Variants in ATRNL1 observed in about 807,000 individuals in gnomAD.
ATRNL1 encodes attractin-like protein 1.
Under a neutral mutation model 182.7 loss-of-function variants are expected in ATRNL1, and 95 were observed. That is an observed-to-expected ratio of 0.52 (90% CI 0.44 to 0.62). The LOEUF (loss-of-function observed/expected upper bound fraction) is 0.62, where lower values mean the gene tolerates loss of function less well. Among genes scored for constraint, ATRNL1 ranks in the 20% least tolerant of loss-of-function variants. The probability of loss-of-function intolerance (pLI) is 0.00; values close to 1 mark genes in which losing one functional copy is unlikely to be tolerated. For missense variants in ATRNL1, 1,471 were observed against 1,679.5 expected (o/e 0.88, Z 2.17); for synonymous variants, 576 against 568.3 (o/e 1.01, Z -0.19).
chr10:115,581,965 A>G (rs868911556), intron 26 of ATRNL1, among the ~76,000 whole-genome samples: 4 of 140,294 alleles, frequency 2.9e-5, no homozygotes, highest in African/African-American at 8.1e-5. Context: ...TCATTGTTCA[A>G]TTCCCACCTA....
intron 7 of ATRNL1, among the ~76,000 whole-genome samples, chr10:115,168,978 G>A (rs1249613636): frequency 7.2e-6 from 1 of 138,306 alleles, no homozygotes; most frequent in African/African-American, 2.7e-5. Context: ...CCTATTTTGA[G>A]TTAAGTTTTG....
chr10:115,225,676 C>G (rs1849666807), intron 9 of ATRNL1, among the ~76,000 whole-genome samples: 1 of 150,632 alleles, frequency 6.6e-6, no homozygotes, highest in African/African-American at 2.4e-5. Context: ...TGTGCAGGAT[C>G]TTTACACAGA....
chr10:115,552,772 T>C (rs1422598011), intron 26 of ATRNL1, among the ~76,000 whole-genome samples: 2 of 151,282 alleles, frequency 1.3e-5, no homozygotes, highest in African/African-American at 4.8e-5. Flanking sequence ...TCAATTTTGA[T>C]ATGACCCCTT....
chr10:115,145,947 A>G (rs1554879245), intron 5 of ATRNL1, among the ~76,000 whole-genome samples: 1 of 152,122 alleles, frequency 6.6e-6, no homozygotes, highest in African/African-American at 2.4e-5. Flanking sequence ...TATTTTTTCA[A>G]TACAGTCCCA....
chr10:115,711,569 A>C (rs755246389), intron 26 of ATRNL1, among the ~76,000 whole-genome samples: 4 of 152,186 alleles, frequency 2.6e-5, no homozygotes, highest in African/African-American at 9.7e-5. Context: ...CCTGTGGTCA[A>C]CTATGTGAGG....
At position 115,266,931 on chromosome 10, in the gene ATRNL1, A is replaced by G. The variant is rs1554910940; in HGVS notation, c.1907A>G (p.Asn636Ser). The G allele has an allele frequency of 1.2e-6, 2 of 1,612,682 alleles. No homozygotes were observed. The highest frequency in any genetic ancestry group is 1.7e-6 in the Non-Finnish European group (2 of 1,179,120). ...NAGPGIKCVW[N>S]KNHCESWESG... ...GGTCCAGGGATAAAATGTGTTTGGA[A>G]TAAAAATCACTGTGAATCTTGGGAA... The change falls in exon 12 of 29, where the codon AAT (asparagine) becomes AGT (serine). Residue 636 changes from asparagine to serine, a missense_variant. Physicochemically the swap from Asn to Ser is conservative, Grantham distance 46. Coordinates refer to ENST00000355044, the MANE Select transcript of ATRNL1 (RefSeq NM_207303.4).
chr10:115,932,571 A>T (rs529772019), intron 28 of ATRNL1, among the ~76,000 whole-genome samples: 2 of 152,132 alleles, frequency 1.3e-5, no homozygotes, highest in East Asian at 1.9e-4. Context: ...TGTTTGCATA[A>T]TTTTTTCTAG....
At chr10:115,561,558 G>A (rs1853709290) in intron 26 of ATRNL1, among the ~76,000 whole-genome samples, 1 of 152,076 alleles carries the variant, frequency 6.6e-6, no homozygotes. Flanking sequence ...ATGTGCATAG[G>A]TTATATGCCA....
Position 115,888,493 on chromosome 10 carries a change from G to A in ATRNL1, c.4018+40502G>A, listed in dbSNP as rs572098199. ...CATGAGTGGTTCTTCCAGATGGAATGCCCTTCTCCTCCACTGTCACTTAAA... is the reference window on the plus strand; with the variant it reads ...CATGAGTGGTTCTTCCAGATGGAATACCCTTCTCCTCCACTGTCACTTAAA... On this transcript the variant is annotated intron_variant, in intron 28 of 28. Coordinates refer to ENST00000355044, the MANE Select transcript of ATRNL1 (RefSeq NM_207303.4). Among the ~76,000 whole-genome samples the A allele has an allele frequency of 9.2e-5, 14 of 152,268 alleles. No homozygotes were observed. In the East Asian group the frequency reaches 2.5e-3, roughly 27 times the overall value.
intron 23 of ATRNL1, among the ~76,000 whole-genome samples, chr10:115,467,478 C>T (rs1291056783): frequency 1.3e-5 from 2 of 150,696 alleles, no homozygotes; most frequent in Non-Finnish European, 3.0e-5. Context: ...AAATATTATA[C>T]ACTAAATTAA....
At chr10:115,800,791 T>A (rs782117792) in intron 27 of ATRNL1, among the ~76,000 whole-genome samples, 1 of 151,986 alleles carries the variant, frequency 6.6e-6, no homozygotes, top group Non-Finnish European at 1.5e-5. Flanking sequence ...AAGGCAGCCA[T>A]CTGCAAGCCA....
At chr10:115,239,702 G>A (rs1284018302) in intron 9 of ATRNL1, among the ~76,000 whole-genome samples, 2 of 152,102 alleles carry the variant, frequency 1.3e-5, no homozygotes, top group Admixed American at 1.3e-4. Context: ...TCTCAACTTG[G>A]CTCTTTCTGG....
At chr10:115,121,066 G>A (rs1025076747) in intron 2 of ATRNL1, among the ~76,000 whole-genome samples, 1 of 151,914 alleles carries the variant, frequency 6.6e-6, no homozygotes, top group African/African-American at 2.4e-5. Context: ...GTTCCATAAG[G>A]TTTCAGTGAT....
chr10:115,924,820 C>T (rs1953173784), intron 28 of ATRNL1, among the ~76,000 whole-genome samples: 2 of 152,122 alleles, frequency 1.3e-5, no homozygotes, highest in African/African-American at 4.8e-5. Context: ...AGCGTTGGAT[C>T]TATAAATTAC....
chr10:115,668,388 C>T (rs1716282772), intron 26 of ATRNL1, among the ~76,000 whole-genome samples: 1 of 152,076 alleles, frequency 6.6e-6, no homozygotes, highest in African/African-American at 2.4e-5. Context: ...TGAAATTGTT[C>T]ACAATATTCT....
intron 1 of ATRNL1, among the ~76,000 whole-genome samples, chr10:115,097,063 A>G (rs1214121402): frequency 6.6e-6 from 1 of 152,178 alleles, no homozygotes; most frequent in Non-Finnish European, 1.5e-5. Context: ...TTAATTTTGT[A>G]GAGTAGAGAT....
intron 19 of ATRNL1, among the ~76,000 whole-genome samples, chr10:115,341,698 T>C (rs1855758858): frequency 6.6e-6 from 1 of 152,180 alleles, no homozygotes; most frequent in South Asian, 2.1e-4. Flanking sequence ...TGCTTCATTG[T>C]TGGGTGTATA....
At chr10:115,364,950 A>T (rs1554945446) in intron 19 of ATRNL1, among the ~76,000 whole-genome samples, 1 of 151,410 alleles carries the variant, frequency 6.6e-6, no homozygotes, top group Non-Finnish European at 1.5e-5. Flanking sequence ...TTTTGCATCA[A>T]GGTTCATCAA....
At chr10:115,840,540 A>G (rs1312584483) in intron 27 of ATRNL1, among the ~76,000 whole-genome samples, 1 of 152,128 alleles carries the variant, frequency 6.6e-6, no homozygotes, top group Non-Finnish European at 1.5e-5. Flanking sequence ...TCTACTTTAC[A>G]GATGAAGAAC....
Sources: gnomAD v4.1 joint callset for allele counts (sites outside exome capture counted in the v4.1 genomes callset) on GRCh38, gnomAD v4.1.1 for gene constraint, MANE v1.5 for transcripts, NCBI Gene and HGNC (gene_info 2026-07-23, HGNC 2026-07-21) for gene names.